Variants in UPRT observed in about 807,000 individuals in gnomAD.
The protein encoded by UPRT is RP11-311P8.3.
In UPRT, 5 loss-of-function variants were observed where a neutral mutation model predicts 22.6. That is an observed-to-expected ratio of 0.22 (90% CI 0.12 to 0.47). UPRT has a LOEUF of 0.47. UPRT is among the 20% of genes least tolerant of loss of function. The probability of loss-of-function intolerance (pLI) is 0.99; values close to 1 mark genes in which losing one functional copy is unlikely to be tolerated. For missense variants in UPRT, 181 were observed against 239.9 expected (o/e 0.75, Z 1.62); for synonymous variants, 77 against 87.7 (o/e 0.88, Z 0.68).
intron 4 of UPRT, among the ~76,000 whole-genome samples, chrX:75,173,222 G>C (rs1401922697): frequency 8.9e-6 from 1 of 112,050 alleles, no homozygotes; most frequent in African/African-American, 3.2e-5. Context: ...GTGCTGATTG[G>C]TGTGTTTACA....
At chrX:75,180,292 G>A (rs2082264736) in intron 4 of UPRT, among the ~76,000 whole-genome samples, 1 of 112,233 alleles carries the variant, frequency 8.9e-6, no homozygotes, top group Non-Finnish European at 1.9e-5. Context: ...GACCCAGATA[G>A]CGCACAGGGC....
At chrX:75,272,546 G>T (rs2082614814), upstream of UPRT, among the ~76,000 whole-genome samples, 1 of 106,896 alleles carries the variant, frequency 9.4e-6, no homozygotes. Context: ...GGATACAAAG[G>T]CATATGAATG....
chrX:75,203,937 G>T (rs773131014), intron 4 of UPRT, among the ~76,000 whole-genome samples: 1 of 111,425 alleles, frequency 9.0e-6, no homozygotes, highest in South Asian at 3.9e-4. Flanking sequence ...GAAGAGGGGT[G>T]TTGTTGATTA....
intron 4 of UPRT, among the ~76,000 whole-genome samples, chrX:75,243,331 A>G (rs1452827836): frequency 9.0e-6 from 1 of 111,284 alleles, no homozygotes; most frequent in East Asian, 2.8e-4. Flanking sequence ...TATTTCATGA[A>G]TCTATGGGAG....
intron 4 of UPRT, among the ~76,000 whole-genome samples, chrX:75,178,052 C>A (rs1052005167): frequency 2.7e-5 from 3 of 112,252 alleles, no homozygotes; most frequent in Admixed American, 9.4e-5. Context: ...GCCGCAGGGT[C>A]AACCAACATG....
chrX:75,239,385 C>A (rs908799314), intron 4 of UPRT, among the ~76,000 whole-genome samples: 1 of 110,766 alleles, frequency 9.0e-6, no homozygotes, highest in African/African-American at 3.3e-5. Context: ...AAATATACAA[C>A]CCCCCTAAAC....
rs886387264 is a variant in UPRT, at chrX:75,291,307, G to A, written c.387-2165G>A. 1.4e-5 allele frequency: 4 copies of A among 276,026 alleles called. No individual in the cohort carries two copies. In the Admixed American group the frequency reaches 1.8e-4, roughly 12 times the overall value. The allele number at this position is 276,026 out of a possible 1,213,427, so 22.7% of individuals were successfully genotyped here. ...AAAAATATTCCAGGGATGTGTGCAT[G>A]TGTGTTTTTTACATTGTGATAATTT... is the stretch of plus-strand genomic sequence containing the variant. On this transcript the variant is annotated intron_variant, in intron 1 of 6. Coordinates refer to ENST00000373383, the MANE Select transcript of UPRT (RefSeq NM_145052.4).
upstream of UPRT, among the ~76,000 whole-genome samples, chrX:75,272,629 A>G (rs564155970): frequency 5.5e-4 from 60 of 108,791 alleles, 1 homozygote; most frequent in South Asian, 0.02. Flanking sequence ...CAAATAGGGT[A>G]CAGTGTATAC....
chrX:75,258,104 A>T (rs2082554985), intron 4 of UPRT, among the ~76,000 whole-genome samples: 1 of 108,351 alleles, frequency 9.2e-6, no homozygotes, highest in South Asian at 4.1e-4. Flanking sequence ...AGACCTGGAG[A>T]TTCCCTCTGG....
intron 4 of UPRT, among the ~76,000 whole-genome samples, chrX:75,214,447 A>T (rs186593994): frequency 1.8e-5 from 2 of 113,097 alleles, no homozygotes; most frequent in African/African-American, 6.4e-5. Context: ...ATGAATCTAA[A>T]ATAGTCAAAC....
intron 4 of UPRT, among the ~76,000 whole-genome samples, chrX:75,227,497 G>C (rs2082426806): frequency 9.0e-6 from 1 of 111,667 alleles, no homozygotes; most frequent in Non-Finnish European, 1.9e-5. Flanking sequence ...CACATTCGAT[G>C]AATGAAGAAC....
chrX:75,257,857 G>A (rs1020815130), intron 4 of UPRT, among the ~76,000 whole-genome samples: 2 of 111,311 alleles, frequency 1.8e-5, no homozygotes, highest in Non-Finnish European at 3.8e-5. Context: ...TGCAGAAGAA[G>A]GGTGATTTCT....
In UPRT at chrX:75,280,762, G is replaced by C. The variant is rs1439476231; in HGVS notation, c.386+6122G>C. ...TTGCTTTGGCTGTGTGGGGTCTTTT[G>C]TGGTTCCATATGAATTTTAGAATTG... is the stretch of plus-strand genomic sequence containing the variant. On this transcript the variant is annotated intron_variant, in intron 1 of 6. Coordinates refer to ENST00000373383, the MANE Select transcript of UPRT (RefSeq NM_145052.4). Among the ~76,000 whole-genome samples the C allele has an allele frequency of 3.6e-5, 4 of 110,962 alleles. No individual in the cohort carries two copies. In the East Asian group the frequency reaches 8.5e-4, roughly 24 times the overall value.
At chrX:75,183,593 G>A (rs987305670) in intron 4 of UPRT, among the ~76,000 whole-genome samples, 1 of 111,673 alleles carries the variant, frequency 9.0e-6, no homozygotes, top group Non-Finnish European at 1.9e-5. Context: ...TTGAGGAATC[G>A]CCACACCGAC....
At chrX:75,251,450 C>T (rs2082529463) in intron 4 of UPRT, among the ~76,000 whole-genome samples, 2 of 111,279 alleles carry the variant, frequency 1.8e-5, no homozygotes, top group Non-Finnish European at 1.9e-5. Context: ...CATGAGTGAA[C>T]TCCCATTCAC....
At chrX:75,228,208 T>C (rs1397030625) in intron 4 of UPRT, among the ~76,000 whole-genome samples, 1 of 111,923 alleles carries the variant, frequency 8.9e-6, no homozygotes, top group Non-Finnish European at 1.9e-5. Flanking sequence ...CCTTCAAAGA[T>C]GTTTCAAATT....
Position 75,256,954 on chromosome X carries a change from C to T in UPRT, c.-446-34070C>T, listed in dbSNP as rs149269779. Among the ~76,000 whole-genome samples, 509 of 111,466 alleles carry T rather than the reference C, an allele frequency of 4.6e-3. 4 individuals are homozygous for T. The highest frequency in any genetic ancestry group is 0.016 in the African/African-American group (488 of 30,759). ...CTACCAGACATTCAGAAAAGAATTGCGACCAATCCTACTGACACTATTCCA... is the reference window on the plus strand; with the variant it reads ...CTACCAGACATTCAGAAAAGAATTGTGACCAATCCTACTGACACTATTCCA... On this transcript the variant is annotated intron_variant, in intron 4 of 13. Coordinates refer to the UPRT transcript ENST00000652605.
intron 4 of UPRT, among the ~76,000 whole-genome samples, chrX:75,196,683 C>G (rs1333129862): frequency 9.0e-6 from 1 of 111,405 alleles, no homozygotes; most frequent in African/African-American, 3.3e-5. Context: ...CTTGTTTCTA[C>G]TAAAAATACA....
intron 4 of UPRT, among the ~76,000 whole-genome samples, chrX:75,262,134 A>C (rs866666432): frequency 8.9e-6 from 1 of 111,817 alleles, no homozygotes; most frequent in Non-Finnish European, 1.9e-5. Flanking sequence ...AATATTCAAC[A>C]TTCTTAAAGA....
Sources: gnomAD v4.1 joint callset for allele counts (sites outside exome capture counted in the v4.1 genomes callset) on GRCh38, gnomAD v4.1.1 for gene constraint, MANE v1.5 for transcripts, NCBI Gene and HGNC (gene_info 2026-07-23, HGNC 2026-07-21) for gene names.